TTLL5: variants seen among roughly 807,000 people sequenced by gnomAD.
TTLL5 encodes the protein tubulin tyrosine ligase like 5.
Under a neutral mutation model 168.4 loss-of-function variants are expected in TTLL5, and 132 were observed. That is an observed-to-expected ratio of 0.78 (90% CI 0.68 to 0.91). The LOEUF is 0.91. Among genes scored for constraint, TTLL5 ranks in the 40% least tolerant of loss-of-function variants. TTLL5 has a pLI of 0.00. For synonymous variants in TTLL5, 546 were observed against 558.6 expected (o/e 0.98, Z 0.32); for missense variants, 1,545 against 1,581.5 (o/e 0.98, Z 0.39).
At chr14:75,767,847 G>C (rs543572165) in intron 20 of TTLL5, among the ~76,000 whole-genome samples, 2 of 152,298 alleles carry the variant, frequency 1.3e-5, no homozygotes, top group African/African-American at 4.8e-5. Context: ...CAGAGTAATG[G>C]CTTTAGGAGT....
chr14:75,788,072 G>A (rs1417733958), intron 26 of TTLL5, among the ~76,000 whole-genome samples: 1 of 152,114 alleles, frequency 6.6e-6, no homozygotes, highest in Non-Finnish European at 1.5e-5. Context: ...GATTGCTTGA[G>A]CGCAGGAGTT....
At chr14:75,814,009 T>C (rs978747770) in intron 27 of TTLL5, among the ~76,000 whole-genome samples, 4 of 152,168 alleles carry the variant, frequency 2.6e-5, no homozygotes, top group African/African-American at 9.7e-5. Context: ...TATCCTAATA[T>C]AGGTTGAGTG....
At chr14:75,742,897 G>GT (rs1274214505) in intron 15 of TTLL5, among the ~76,000 whole-genome samples, 1 of 152,090 alleles carries the variant, frequency 6.6e-6, no homozygotes, top group Non-Finnish European at 1.5e-5. Flanking sequence ...ATTTATATTT[G>GT]TTTCCTTCCT....
At chr14:75,806,005 A>G (rs1595070822) in intron 27 of TTLL5, among the ~76,000 whole-genome samples, 2 of 148,038 alleles carry the variant, frequency 1.4e-5, no homozygotes, top group Non-Finnish European at 3.0e-5. Context: ...TGTTCACCCT[A>G]GTCTTTGCTT....
chr14:75,911,645 A>T (rs537013429), intron 31 of TTLL5, among the ~76,000 whole-genome samples: 2 of 152,294 alleles, frequency 1.3e-5, no homozygotes, highest in Middle Eastern at 3.4e-3. Context: ...AAGACTTGTG[A>T]CAAGCCCAAA....
At chr14:75,942,419 G>A (rs2034638894) in intron 31 of TTLL5, among the ~76,000 whole-genome samples, 1 of 152,206 alleles carries the variant, frequency 6.6e-6, no homozygotes, top group Non-Finnish European at 1.5e-5. Flanking sequence ...AAGGCAAAAT[G>A]CTGGGTGCCC....
chr14:75,905,868 C>T (rs540762732), intron 31 of TTLL5, among the ~76,000 whole-genome samples: 31 of 152,162 alleles, frequency 2.0e-4, no homozygotes, highest in Non-Finnish European at 3.1e-4. Context: ...TTCTGGAGCC[C>T]AACCTCTCCC....
chr14:75,942,211 A>G (rs909983985), intron 31 of TTLL5, among the ~76,000 whole-genome samples: 1 of 151,974 alleles, frequency 6.6e-6, no homozygotes, highest in Non-Finnish European at 1.5e-5. Flanking sequence ...TGTATCCCTT[A>G]ACCTTCAGAC....
At chr14:75,843,936 C>T (rs906536235) in intron 28 of TTLL5, among the ~76,000 whole-genome samples, 2 of 100,594 alleles carry the variant, frequency 2.0e-5, no homozygotes, top group African/African-American at 7.8e-5. Context: ...TTCTGTCACC[C>T]AGGCTGGAGT....
chr14:75,859,665 A>G (rs2139928173), intron 28 of TTLL5, among the ~76,000 whole-genome samples: 1 of 152,282 alleles, frequency 6.6e-6, no homozygotes, highest in South Asian at 2.1e-4. Context: ...TGGTAGGAGT[A>G]GAAAAAACAT....
intron 15 of TTLL5, among the ~76,000 whole-genome samples, chr14:75,736,018 C>T (rs931004758): frequency 1.3e-5 from 2 of 152,176 alleles, no homozygotes; most frequent in African/African-American, 4.8e-5. Context: ...GCTTTGCCTG[C>T]TCAGACATTT....
intron 29 of TTLL5, among the ~76,000 whole-genome samples, chr14:75,882,438 T>G (rs943134093): frequency 1.3e-5 from 2 of 152,206 alleles, no homozygotes; most frequent in Non-Finnish European, 2.9e-5. Flanking sequence ...ACACTTAGTA[T>G]CGCAGGTGCC....
At chr14:75,919,164 G>A (rs138810319) in intron 31 of TTLL5, among the ~76,000 whole-genome samples, 6 of 116,578 alleles carry the variant, frequency 5.1e-5, no homozygotes, top group Non-Finnish European at 9.6e-5. Context: ...TCACGCCACT[G>A]CACTCCAGCC....
At chr14:75,722,977 ACCC>A (rs1255575033) in intron 12 of TTLL5, among the ~76,000 whole-genome samples, 2 of 151,418 alleles carry the variant, frequency 1.3e-5, no homozygotes, top group Non-Finnish European at 2.9e-5. Flanking sequence ...CTGCCCTTAT[ACCC>A]CCAGCACTCT....
chr14:75,737,810 T>A (rs1172162181), intron 15 of TTLL5, among the ~76,000 whole-genome samples: 1 of 152,174 alleles, frequency 6.6e-6, no homozygotes, highest in Non-Finnish European at 1.5e-5. Flanking sequence ...AACTTAGGGA[T>A]CCTCTTTTCC....
At chr14:75,750,756 T>A (rs533383241) in intron 17 of TTLL5, among the ~76,000 whole-genome samples, 1 of 152,312 alleles carries the variant, frequency 6.6e-6, no homozygotes, top group African/African-American at 2.4e-5. Flanking sequence ...ACTATATATG[T>A]ACCCATGATA....
intron 31 of TTLL5, among the ~76,000 whole-genome samples, chr14:75,926,200 G>C (rs1293992245): frequency 1.1e-5 from 1 of 93,520 alleles, no homozygotes; most frequent in African/African-American, 4.6e-5. Flanking sequence ...CCATTTGCCT[G>C]GTAGATCTTC....
intron 27 of TTLL5, among the ~76,000 whole-genome samples, chr14:75,794,613 T>C (rs1892900266): frequency 6.6e-6 from 1 of 152,200 alleles, no homozygotes; most frequent in South Asian, 2.1e-4. Context: ...AGTTCATTTT[T>C]TTCGTCTATA....
At chr14:75,832,101 A>C (rs775255211) in intron 28 of TTLL5, among the ~76,000 whole-genome samples, 1 of 151,962 alleles carries the variant, frequency 6.6e-6, no homozygotes, top group Non-Finnish European at 1.5e-5. Context: ...GATGACACAC[A>C]CCCCCACCCC....
Sources: allele counts gnomAD v4.1 joint callset (sites outside exome capture counted in the v4.1 genomes callset), GRCh38; gene constraint gnomAD v4.1.1; transcripts MANE v1.5; gene names NCBI Gene and HGNC (gene_info 2026-07-23, HGNC 2026-07-21).